Variants in ZNF333 observed in about 807,000 individuals in gnomAD.
ZNF333 encodes the protein zinc finger protein 333.
Under a neutral mutation model 76.1 loss-of-function variants are expected in ZNF333, and 61 were observed. The observed-to-expected ratio is 0.80, with a 90% CI of 0.65 to 0.99. The LOEUF is 0.99. Among genes scored for constraint, ZNF333 ranks in the 50% least tolerant of loss-of-function variants. The probability of loss-of-function intolerance (pLI) is 0.00; values close to 1 mark genes in which losing one functional copy is unlikely to be tolerated. For synonymous variants in ZNF333, 284 were observed against 305.0 expected (o/e 0.93, Z 0.72); for missense variants, 717 against 822.4 (o/e 0.87, Z 1.57).
chr19:14,726,687 A>G (rs551964401), downstream of ZNF333, among the ~76,000 whole-genome samples: 24 of 152,254 alleles, frequency 1.6e-4, no homozygotes, highest in East Asian at 4.6e-3. Context: ...AAGCCTTAGG[A>G]CATAGACGCA....
rs1057459239 is a variant in ZNF333 at position 14,720,736 on chromosome 19, T to G, written c.*1411T>G. The G allele has an allele frequency of 2.4e-5, 24 of 985,322 alleles. No individual in the cohort carries two copies. Among genetic ancestry groups the G allele is most frequent in the Non-Finnish European group, 2.8e-5 (23 of 829,942 alleles). The allele number at this position is 985,322 out of a possible 1,614,324, so 61.0% of individuals were successfully genotyped here. A position where few individuals can be genotyped will look rare whatever the true frequency, so the allele number is the denominator to read the frequency against. On this transcript the variant is annotated 3_prime_UTR_variant, in exon 12 of 12. Transcript: ENST00000292530. Reference sequence around the variant, plus strand: ...CAATGTATTGTATTCTACAAATGTCTGCTAGATCAAGCAAATGTGTTTAAA... The same window carrying G: ...CAATGTATTGTATTCTACAAATGTCGGCTAGATCAAGCAAATGTGTTTAAA...
rs200652884 is a variant in ZNF333 at position 14,695,077 on chromosome 19, G to A, written c.71G>A (p.Arg24Gln). 63 of 1,614,132 alleles carry A rather than the reference G, an allele frequency of 3.9e-5. No homozygotes were observed. The highest frequency in any genetic ancestry group is 3.8e-4 in the South Asian group (35 of 91,082). ...GAGTGGGCATTGCTGGACAGCGCAC[G>A]GAGGAGCCTGTGCAAATACAGGATG... The part of the protein sequence containing the change: ...IQEWALLDSA[R>Q]RSLCKYRMLD... Residue 24 changes from arginine (R) to glutamine (Q), a missense_variant, in exon 3 of 12, where the codon CGG (arginine) becomes CAG (glutamine). Coordinates refer to ENST00000292530, the MANE Select transcript of ZNF333 (RefSeq NM_032433.4).
chr19:14,698,909 T>TAG (rs1280561676), intron 4 of ZNF333, among the ~76,000 whole-genome samples: 2 of 16,770 alleles, frequency 1.2e-4, no homozygotes, highest in Non-Finnish European at 2.2e-4. Context: ...GATATATATA[T>TAG]ATATATATAT....
chr19:14,722,600 T>C (rs1392628789), downstream of ZNF333, among the ~76,000 whole-genome samples: 2 of 152,230 alleles, frequency 1.3e-5, no homozygotes, highest in Non-Finnish European at 2.9e-5. Context: ...TATGCAGAAG[T>C]CTAAGATTTT....
rs2042587697 is a variant in ZNF333, at chr19:14,721,596, GTA to G, written c.*2272_*2273del. 6.6e-6 allele frequency: 1 copy of G among 152,082 alleles called. No homozygotes were observed. The highest frequency in any genetic ancestry group is 1.5e-5 in the Non-Finnish European group (1 of 68,018). 9.4% of individuals were successfully genotyped at this position (152,082 alleles called of 1,614,324 possible). On this transcript the variant is annotated 3_prime_UTR_variant, in exon 12 of 12. Transcript: ENST00000292530. ...GAGATTTATCTATGTTGTATTATCA[GTA>G]GTTTATGCTTTTTAATTGCTGTGTA...
chr19:14,723,991 G>T (rs935004315), downstream of ZNF333, among the ~76,000 whole-genome samples: 5 of 152,254 alleles, frequency 3.3e-5, no homozygotes, highest in African/African-American at 1.2e-4. Flanking sequence ...GCTGCACCTG[G>T]TGTTTGGGCA....
chr19:14,701,976 G>A (rs921905603), intron 5 of ZNF333: 111 of 882,006 alleles, frequency 1.3e-4, no homozygotes, highest in Middle Eastern at 5.8e-4. Flanking sequence ...ACTGCCTGAC[G>A]ATCATACAAC....
intron 1 of ZNF333, among the ~76,000 whole-genome samples, chr19:14,690,517 C>A (rs1306961160): frequency 1.3e-5 from 2 of 152,214 alleles, no homozygotes; most frequent in African/African-American, 4.8e-5. Flanking sequence ...TGCAAGATAA[C>A]TGCGAATTAG....
chr19:14,721,384 T>A lies in ZNF333; in HGVS notation c.*2059T>A, dbSNP rs1233349154. On this transcript the variant is annotated 3_prime_UTR_variant, in exon 12 of 12. Transcript: ENST00000292530. ...TACACCTTGGTGAATTTTGTATATG[T>A]CTATACCCACCACGGTCTCCATCAA... is the stretch of plus-strand genomic sequence containing the variant. 1 of 151,354 alleles carries A rather than the reference T, an allele frequency of 6.6e-6. No individual in the cohort carries two copies. The highest frequency in any genetic ancestry group is 1.9e-4 in the East Asian group (1 of 5,158). The allele number at this position is 151,354 out of a possible 1,614,324, so 9.4% of individuals were successfully genotyped here.
Position 14,720,461 on chromosome 19 carries a change from A to G in ZNF333, c.*1136A>G. 1 of 985,426 alleles carries G rather than the reference A, an allele frequency of 1.0e-6. No individual in the cohort carries two copies. Among genetic ancestry groups the G allele is most frequent in the Non-Finnish European group, 1.2e-6 (1 of 829,932 alleles). 61.0% of individuals were successfully genotyped at this position (985,426 alleles called of 1,614,324 possible). A position where few individuals can be genotyped will look rare whatever the true frequency, so the allele number is the denominator to read the frequency against. ...AAGAGGGTGGCCGGAAGTCATAACCATCTTGCTTCTGTAATCTAAAAAATA... is the reference window on the plus strand; with the variant it reads ...AAGAGGGTGGCCGGAAGTCATAACCGTCTTGCTTCTGTAATCTAAAAAATA... On this transcript the variant is annotated 3_prime_UTR_variant, in exon 12 of 12. Transcript: ENST00000292530.
At chr19:14,701,148 G>T (rs1445953267) in intron 5 of ZNF333, among the ~76,000 whole-genome samples, 1 of 152,208 alleles carries the variant, frequency 6.6e-6, no homozygotes, top group East Asian at 1.9e-4. Flanking sequence ...CTTGACTTCT[G>T]AGAATGTCTT....
At chr19:14,715,558 A>G in intron 8 of ZNF333, 88 bp downstream of exon 8, 1 of 1,250,848 alleles carries the variant, frequency 8.0e-7, no homozygotes, top group Non-Finnish European at 1.1e-6. Flanking sequence ...GGATCATCTC[A>G]TAGGGTTGGT....
At position 14,698,935 on chromosome 19, in the gene ZNF333, T is replaced by TATATAC. The variant is rs1180611568; in HGVS notation, c.224-263_224-262insTATACA. On this transcript the variant is annotated intron_variant, in intron 4 of 11. Coordinates refer to ENST00000292530, the MANE Select transcript of ZNF333 (RefSeq NM_032433.4). ...ATATATATATATATATATATATATATACACACATATATATTTTCAATTTTA... is the reference window on the plus strand; with the variant it reads ...ATATATATATATATATATATATATATATATACACACACATATATATTTTCAATTTTA... Among the ~76,000 whole-genome samples the TATATAC allele has an allele frequency of 3.8e-3, 526 of 139,232 alleles. 7 individuals carry two copies. Among genetic ancestry groups the TATATAC allele is most frequent in the African/African-American group, 0.012 (437 of 36,136 alleles). 91.3% of individuals were successfully genotyped at this position (139,232 alleles called of 152,430 possible). A position where few individuals can be genotyped will look rare whatever the true frequency, so the allele number is the denominator to read the frequency against.
chr19:14,720,352 T>C lies in ZNF333; in HGVS notation c.*1027T>C. On this transcript the variant is annotated 3_prime_UTR_variant, in exon 12 of 12. Transcript: ENST00000292530. Reference sequence around the variant, plus strand: ...GTTTCATGTAGCCACATCTCTCCACTTCTTGCCTTTTGGACAAGTAGACAT... The same window carrying C: ...GTTTCATGTAGCCACATCTCTCCACCTCTTGCCTTTTGGACAAGTAGACAT... 3.0e-6 allele frequency: 3 copies of C among 985,434 alleles called. No homozygotes were observed. Among genetic ancestry groups the C allele is most frequent in the Non-Finnish European group, 3.6e-6 (3 of 829,948 alleles). 61.0% of individuals were successfully genotyped at this position (985,434 alleles called of 1,614,324 possible). A position where few individuals can be genotyped will look rare whatever the true frequency, so the allele number is the denominator to read the frequency against.
intron 7 of ZNF333, among the ~76,000 whole-genome samples, chr19:14,711,335 C>T (rs2042269009): frequency 6.6e-6 from 1 of 152,156 alleles, no homozygotes; most frequent in Admixed American, 6.5e-5. Flanking sequence ...AAACACATCT[C>T]ATTAAGGAGC....
At chr19:14,723,265 GA>G (rs1568564801), downstream of ZNF333, among the ~76,000 whole-genome samples, 67 of 152,210 alleles carry the variant, frequency 4.4e-4, no homozygotes, top group Non-Finnish European at 8.4e-4. Flanking sequence ...CTCCCTCCTC[GA>G]TTCCATTGGT....
downstream of ZNF333, among the ~76,000 whole-genome samples, chr19:14,722,824 T>A (rs774925430): frequency 3.9e-5 from 6 of 152,210 alleles, no homozygotes; most frequent in Non-Finnish European, 7.3e-5. Flanking sequence ...CTTGCTGTGT[T>A]GCCCAGGCTG....
At chr19:14,723,921 CT>C (rs1323349077), downstream of ZNF333, among the ~76,000 whole-genome samples, 1 of 152,184 alleles carries the variant, frequency 6.6e-6, no homozygotes, top group East Asian at 1.9e-4. Flanking sequence ...TTATGGGCCT[CT>C]TTTCTCATCC....
At chr19:14,694,482 A>G (rs926362320) in intron 2 of ZNF333, among the ~76,000 whole-genome samples, 1 of 62,256 alleles carries the variant, frequency 1.6e-5, no homozygotes. Context: ...AAAAAAAAAA[A>G]GAAAAAAAGA....
Sources: gnomAD v4.1 joint callset for allele counts (sites outside exome capture counted in the v4.1 genomes callset) on GRCh38, gnomAD v4.1.1 for gene constraint, MANE v1.5 for transcripts, NCBI Gene and HGNC (gene_info 2026-07-23, HGNC 2026-07-21) for gene names.